PAX3: variants seen among roughly 807,000 people sequenced by gnomAD.
PAX3 encodes paired box 3, also known as paired box protein Pax-3.
PAX3 carries 14 observed loss-of-function variants against 51.6 expected under a neutral mutation model. That is an observed-to-expected ratio of 0.27 (90% CI 0.18 to 0.42). The LOEUF is 0.42. Ranked by LOEUF, PAX3 falls within the 10% of genes least tolerant of loss-of-function variation. The pLI, the probability that PAX3 is intolerant of heterozygous loss-of-function variation, is 1.00. For missense variants in PAX3, 540 were observed against 642.8 expected (o/e 0.84, Z 1.73); for synonymous variants, 280 against 253.4 (o/e 1.11, Z -1.00).
intron 7 of PAX3, among the ~76,000 whole-genome samples, chr2:222,217,051 A>G (rs771452604): frequency 8.5e-5 from 13 of 152,222 alleles, no homozygotes; most frequent in Non-Finnish European, 1.9e-4. Flanking sequence ...AAGGCAAGAT[A>G]CAAAGTTGTA....
At chr2:222,291,224 C>G (rs1177504887) in intron 4 of PAX3, among the ~76,000 whole-genome samples, 1 of 152,206 alleles carries the variant, frequency 6.6e-6, no homozygotes. Context: ...TCGGCCAGGA[C>G]TTGGCTCCCC....
intron 4 of PAX3, among the ~76,000 whole-genome samples, chr2:222,291,028 A>C (rs1482133116): frequency 6.6e-6 from 1 of 151,864 alleles, no homozygotes; most frequent in African/African-American, 2.4e-5. Context: ...CCGGCGAGCT[A>C]AGCTTCGAGC....
chr2:222,221,518 T>A (rs1336219311), intron 5 of PAX3, 131 bp from the exon 6 acceptor site: 9 of 877,562 alleles, frequency 1.0e-5, no homozygotes, highest in Non-Finnish European at 1.7e-5. Flanking sequence ...TTCTCTGCCT[T>A]CTGTGTTGTT....
chr2:222,229,173 G>C (rs1409409120), intron 5 of PAX3, among the ~76,000 whole-genome samples: 4 of 150,836 alleles, frequency 2.7e-5, no homozygotes, highest in Non-Finnish European at 5.9e-5. Context: ...TAATTTGTCT[G>C]CCCTTTTGAT....
At chr2:222,283,858 T>C (rs1198523848) in intron 4 of PAX3, among the ~76,000 whole-genome samples, 7 of 152,180 alleles carry the variant, frequency 4.6e-5, no homozygotes, top group Non-Finnish European at 2.9e-5. Flanking sequence ...AAAACAACCT[T>C]CCTTGCAGCC....
At chr2:222,226,903 C>G (rs1468921157) in intron 5 of PAX3, among the ~76,000 whole-genome samples, 3 of 151,744 alleles carry the variant, frequency 2.0e-5, no homozygotes, top group African/African-American at 7.3e-5. Flanking sequence ...GAGGCCCTTT[C>G]TCTAGTTAAC....
At chr2:222,216,613 A>G (rs942559902) in intron 7 of PAX3, among the ~76,000 whole-genome samples, 7 of 152,212 alleles carry the variant, frequency 4.6e-5, no homozygotes, top group Non-Finnish European at 7.3e-5. Flanking sequence ...ATGATGCGCC[A>G]TTTGGCAAAT....
At chr2:222,295,299 T>G (rs1336867673) in intron 3 of PAX3, among the ~76,000 whole-genome samples, 2 of 152,204 alleles carry the variant, frequency 1.3e-5, no homozygotes, top group Admixed American at 1.3e-4. Flanking sequence ...AAATCTTCTT[T>G]GGGGCGTCCT....
At chr2:222,208,491 C>T (rs1336409054) in intron 7 of PAX3, among the ~76,000 whole-genome samples, 2 of 152,062 alleles carry the variant, frequency 1.3e-5, no homozygotes, top group African/African-American at 4.8e-5. Flanking sequence ...GACAAATGCT[C>T]CTGAGGATGT....
At chr2:222,217,105 T>C (rs896396880) in intron 7 of PAX3, among the ~76,000 whole-genome samples, 1 of 152,188 alleles carries the variant, frequency 6.6e-6, no homozygotes, top group Non-Finnish European at 1.5e-5. Context: ...AAAGGAGGCA[T>C]AAGAACCTAA....
At chr2:222,257,561 A>G (rs1238547106) in intron 4 of PAX3, among the ~76,000 whole-genome samples, 1 of 152,184 alleles carries the variant, frequency 6.6e-6, no homozygotes, top group Non-Finnish European at 1.5e-5. Context: ...TTTAAACACA[A>G]CCTTCATTTT....
At chr2:222,291,401 G>C (rs1002631249) in intron 4 of PAX3, among the ~76,000 whole-genome samples, 1 of 152,176 alleles carries the variant, frequency 6.6e-6, no homozygotes, top group Non-Finnish European at 1.5e-5. Flanking sequence ...CGCCCGTTAG[G>C]GAGCGCGGGC....
Position 222,202,132 on chromosome 2 carries a change from G to A in PAX3, c.1232C>T (p.Ala411Val), listed in dbSNP as rs1042051. ...CAGACCCCCGGTGAGAGGGGAGAGC[G>A]CGTAATCAGTCTGGGGCTGATGAGG... ...GVPHQPQTDY[A>V]LSPLTGGLEP... is the part of the protein sequence containing the mutation. The change falls in exon 8 of 9, where the codon GCG becomes GTG. Residue 411 changes from alanine to valine, a missense_variant. Ala to Val is a moderately conservative substitution (Grantham distance 64, BLOSUM62 0). This residue lies in a region of PAX3 where 427 missense variants were observed against 483.6 expected (regional missense o/e 0.88). Coordinates refer to ENST00000392070, the MANE Select transcript of PAX3 (RefSeq NM_181458.4). The A allele has an allele frequency of 1.3e-5, 21 of 1,612,400 alleles. No homozygotes were observed. The highest frequency in any genetic ancestry group is 4.4e-5 in the South Asian group (4 of 90,888).
rs556013196 is a variant in PAX3, at chr2:222,246,060, T to C, written c.587-13777A>G. Among the ~76,000 whole-genome samples the C allele has an allele frequency of 5.3e-5, 8 of 152,158 alleles. No homozygotes were observed. The South Asian group carries it at 1.7e-3, about 32-fold the overall frequency. ...GATAGAAAATAAAGCAATAGGTGGT[T>C]TCAGAGTCAATGGGTTCACCATGAC... On this transcript the variant is annotated intron_variant, in intron 4 of 8. Transcript: ENST00000392070.
Position 222,295,518 on chromosome 2 carries a change from G to A in PAX3, c.451+10C>T. Reference sequence around the variant, plus strand: ...GTCGCGCCTCGGGGAGAGGTTAATGGGCCTAGTACCTGACGGCACGGTGTT... The same window carrying A: ...GTCGCGCCTCGGGGAGAGGTTAATGAGCCTAGTACCTGACGGCACGGTGTT... On this transcript the variant is annotated intron_variant, in intron 3 of 8. Transcript: ENST00000392070. 6.2e-7 allele frequency: 1 copy of A among 1,614,182 alleles called. No individual in the cohort carries two copies. Among genetic ancestry groups the A allele is most frequent in the Non-Finnish European group, 8.5e-7 (1 of 1,180,014 alleles).
chr2:222,290,252 C>A (rs539027993), intron 4 of PAX3, among the ~76,000 whole-genome samples: 16 of 152,190 alleles, frequency 1.1e-4, no homozygotes, highest in Non-Finnish European at 2.2e-4. Flanking sequence ...TACCTCCCCC[C>A]CAAAAAGCTG....
At chr2:222,225,920 A>G (rs1311830915) in intron 5 of PAX3, among the ~76,000 whole-genome samples, 1 of 152,210 alleles carries the variant, frequency 6.6e-6, no homozygotes, top group East Asian at 1.9e-4. Context: ...GAAAGTGCCC[A>G]GAAAACACCT....
chr2:222,253,265 A>G (rs1693508316), intron 4 of PAX3, among the ~76,000 whole-genome samples: 1 of 152,218 alleles, frequency 6.6e-6, no homozygotes, highest in Non-Finnish European at 1.5e-5. Context: ...CTGAGGAACA[A>G]ATTTACAGGG....
intron 4 of PAX3, among the ~76,000 whole-genome samples, chr2:222,261,652 C>A (rs935957789): frequency 4.0e-5 from 6 of 151,756 alleles, no homozygotes; most frequent in Non-Finnish European, 8.8e-5. Flanking sequence ...TTACCTTCTA[C>A]TTCCCTTCCC....
Sources: gnomAD v4.1 joint callset for allele counts (sites outside exome capture counted in the v4.1 genomes callset) on GRCh38, gnomAD v4.1.1 for gene constraint, gnomAD v4.1.1 regional missense constraint, MANE v1.5 for transcripts, NCBI Gene and HGNC (gene_info 2026-07-23, HGNC 2026-07-21) for gene names.